Variants in MTPAP observed in about 807,000 individuals in gnomAD.
MTPAP encodes mitochondrial poly(A) polymerase.
In MTPAP, 23 loss-of-function variants were observed where a neutral mutation model predicts 48.7. The observed-to-expected ratio is 0.47, with a 90% CI of 0.34 to 0.67. The LOEUF (loss-of-function observed/expected upper bound fraction) is 0.67, where lower values mean the gene tolerates loss of function less well. Ranked by LOEUF, MTPAP falls within the 30% of genes least tolerant of loss-of-function variation. MTPAP has a pLI of 0.01. For missense variants in MTPAP, 614 were observed against 694.3 expected (o/e 0.88, Z 1.30); for synonymous variants, 257 against 254.1 (o/e 1.01, Z -0.11).
intron 4 of MTPAP, among the ~76,000 whole-genome samples, chr10:30,331,257 ACTAT>A (rs1424233961): frequency 3.3e-5 from 5 of 152,270 alleles, no homozygotes; most frequent in Admixed American, 6.5e-5. Context: ...TTCCTATAGC[ACTAT>A]CTGTTTATTA....
At chr10:30,314,438 C>T (rs1355625442) in intron 8 of MTPAP, among the ~76,000 whole-genome samples, 2 of 151,920 alleles carry the variant, frequency 1.3e-5, no homozygotes, top group African/African-American at 4.8e-5. Flanking sequence ...AATTAGAACC[C>T]TTAAATTAAA....
chr10:30,331,867 G>GT (rs1240236761), intron 4 of MTPAP, among the ~76,000 whole-genome samples: 2 of 152,170 alleles, frequency 1.3e-5, no homozygotes, highest in Admixed American at 6.5e-5. Flanking sequence ...ACGCCTAGCT[G>GT]TAAGTAACTT....
intron 6 of MTPAP, among the ~76,000 whole-genome samples, chr10:30,318,110 C>T (rs1167424779): frequency 3.3e-5 from 5 of 152,170 alleles, no homozygotes; most frequent in East Asian, 1.9e-4. Context: ...CCACTCGCCT[C>T]GGCCTCCCAA....
intron 4 of MTPAP, among the ~76,000 whole-genome samples, chr10:30,327,845 CA>C (rs71525585): frequency 0.019 from 1,591 of 84,136 alleles, 19 homozygotes; most frequent in African/African-American, 0.067. Flanking sequence ...GACTCCATCT[CA>C]AAAAAAAAAA....
intron 4 of MTPAP, among the ~76,000 whole-genome samples, chr10:30,334,333 C>A (rs564961010): frequency 5.9e-5 from 9 of 152,130 alleles, no homozygotes; most frequent in Non-Finnish European, 1.2e-4. Context: ...ATGATATTTA[C>A]AAGTGCCTTC....
At chr10:30,344,292 G>T (rs753987131) in intron 1 of MTPAP, among the ~76,000 whole-genome samples, 4 of 151,948 alleles carry the variant, frequency 2.6e-5, no homozygotes, top group Admixed American at 6.6e-5. Flanking sequence ...CCTTCTGGTT[G>T]GAATGTCTAC....
intron 1 of MTPAP, among the ~76,000 whole-genome samples, chr10:30,347,356 T>C (rs1834885342): frequency 6.6e-6 from 1 of 152,256 alleles, no homozygotes; most frequent in African/African-American, 2.4e-5. Flanking sequence ...AATGAAAAAC[T>C]GAATTGGATA....
chr10:30,340,055 CAT>C, intron 3 of MTPAP, 169 bp downstream of exon 3: 1 of 641,766 alleles, frequency 1.6e-6, no homozygotes, highest in Non-Finnish European at 2.7e-6. Flanking sequence ...AACTTTCCTT[CAT>C]CTCATTATGC....
chr10:30,347,044 T>C (rs894055221), intron 1 of MTPAP, among the ~76,000 whole-genome samples: 2 of 152,212 alleles, frequency 1.3e-5, no homozygotes, highest in South Asian at 4.1e-4. Flanking sequence ...TGGAGTTTGG[T>C]TACACAGATT....
chr10:30,346,318 T>C (rs1361564616), intron 1 of MTPAP, among the ~76,000 whole-genome samples: 1 of 152,094 alleles, frequency 6.6e-6, no homozygotes, highest in Non-Finnish European at 1.5e-5. Context: ...TCAGGCCACA[T>C]ATGGAGTACA....
rs59507352 is a variant in MTPAP, at chr10:30,342,543, CA to C, written c.158-904del. On this transcript the variant is annotated intron_variant, in intron 1 of 8. Transcript: ENST00000263063. Reference sequence around the variant, plus strand: ...GCAAAGTGCTGAAAACGGAGTTCCACAAAAAAAAAAAAAAAAACCAGGAAAC... The same window carrying C: ...GCAAAGTGCTGAAAACGGAGTTCCACAAAAAAAAAAAAAAAACCAGGAAAC... Among the ~76,000 whole-genome samples the C allele has an allele frequency of 6.8e-3, 933 of 136,568 alleles. 8 individuals are homozygous for C. Among genetic ancestry groups the C allele is most frequent in the African/African-American group, 0.022 (814 of 37,068 alleles). 89.6% of individuals were successfully genotyped at this position (136,568 alleles called of 152,430 possible).
chr10:30,325,706 G>T (rs1474564027), intron 5 of MTPAP, among the ~76,000 whole-genome samples: 1 of 152,042 alleles, frequency 6.6e-6, no homozygotes, highest in Non-Finnish European at 1.5e-5. Context: ...AGATCGTGCA[G>T]TGTGCTGCAC....
chr10:30,348,973 A>G (rs1834902092), intron 1 of MTPAP, 146 bp downstream of exon 1: 3 of 1,201,836 alleles, frequency 2.5e-6, no homozygotes, highest in Admixed American at 2.1e-5. Flanking sequence ...TCCCCTACAG[A>G]GATCAGAGGA....
At chr10:30,333,973 G>C (rs1385998102) in intron 4 of MTPAP, among the ~76,000 whole-genome samples, 11 of 151,952 alleles carry the variant, frequency 7.2e-5, no homozygotes, top group Admixed American at 2.0e-4. Flanking sequence ...TCCTATGCCT[G>C]GCTAGCTTCA....
At chr10:30,322,256 C>T (rs890207663) in intron 6 of MTPAP, 135 bp downstream of exon 6, 17 of 771,542 alleles carry the variant, frequency 2.2e-5, no homozygotes, top group African/African-American at 3.5e-5. Flanking sequence ...CTCGTGACTC[C>T]GGTAGACTTT....
chr10:30,347,922 T>A (rs1044177916), intron 1 of MTPAP, among the ~76,000 whole-genome samples: 3 of 150,810 alleles, frequency 2.0e-5, no homozygotes, highest in Non-Finnish European at 3.0e-5. Context: ...GTGGGTTTTT[T>A]AATTTTTGCC....
chr10:30,321,849 C>T (rs1252273349), intron 6 of MTPAP, among the ~76,000 whole-genome samples: 1 of 152,162 alleles, frequency 6.6e-6, no homozygotes, highest in Non-Finnish European at 1.5e-5. Context: ...CTCAGCAAGG[C>T]TGAGGCACAA....
At chr10:30,336,206 G>A (rs1042155218) in intron 4 of MTPAP, among the ~76,000 whole-genome samples, 2 of 151,928 alleles carry the variant, frequency 1.3e-5, no homozygotes, top group African/African-American at 4.8e-5. Context: ...ATATATAAAG[G>A]CTGAAAATAA....
intron 8 of MTPAP, among the ~76,000 whole-genome samples, chr10:30,314,418 G>C (rs553526643): frequency 6.6e-5 from 10 of 152,076 alleles, no homozygotes; most frequent in African/African-American, 2.4e-4. Context: ...GTAGAAACAG[G>C]AACACACAAA....
Sources: gnomAD v4.1 joint callset for allele counts (sites outside exome capture counted in the v4.1 genomes callset) on GRCh38, gnomAD v4.1.1 for gene constraint, MANE v1.5 for transcripts, NCBI Gene and HGNC (gene_info 2026-07-23, HGNC 2026-07-21) for gene names.